Variants in RABGAP1 observed in about 807,000 individuals in gnomAD.
RABGAP1 encodes rab GTPase-activating protein 1.
In RABGAP1, 23 loss-of-function variants were observed where a neutral mutation model predicts 137.6. The observed-to-expected ratio is 0.17, with a 90% confidence interval of 0.12 to 0.24. The LOEUF is 0.24. Ranked by LOEUF, RABGAP1 falls within the 10% of genes least tolerant of loss-of-function variation. RABGAP1 has a pLI of 1.00. For synonymous variants in RABGAP1, 451 were observed against 450.7 expected (o/e 1.00, Z -0.01); for missense variants, 906 against 1,275.8 (o/e 0.71, Z 4.42).
chr9:122,980,282 A>T (rs1198168589), intron 2 of RABGAP1, among the ~76,000 whole-genome samples: 1 of 152,088 alleles, frequency 6.6e-6, no homozygotes, highest in Non-Finnish European at 1.5e-5. Flanking sequence ...CCACTCATTC[A>T]TTTTTGGCTC....
At chr9:123,001,148 CTATTTTTT>C (rs1837306511) in intron 10 of RABGAP1, among the ~76,000 whole-genome samples, 1 of 152,036 alleles carries the variant, frequency 6.6e-6, no homozygotes, top group Non-Finnish European at 1.5e-5. Context: ...GCGCCTGGCC[CTATTTTTT>C]TATTTTTTTA....
intron 2 of RABGAP1, among the ~76,000 whole-genome samples, chr9:122,969,058 A>G (rs1835329155): frequency 6.6e-6 from 1 of 152,266 alleles, no homozygotes; most frequent in Non-Finnish European, 1.5e-5. Flanking sequence ...GCATGACAGC[A>G]TTTCAGTCCA....
chr9:123,029,605 A>T, intron 13 of RABGAP1: 1 of 742,044 alleles, frequency 1.3e-6, no homozygotes, highest in Non-Finnish European at 2.5e-6. Context: ...TAGCTTTGTC[A>T]AACAAGACAA....
chr9:123,043,195 G>A (rs2033035803), intron 13 of RABGAP1, among the ~76,000 whole-genome samples: 1 of 152,090 alleles, frequency 6.6e-6, no homozygotes, highest in South Asian at 2.1e-4. Flanking sequence ...GAATGAGGGA[G>A]GAAATAAATA....
At chr9:122,982,124 G>GCC (rs1292561520) in intron 2 of RABGAP1, among the ~76,000 whole-genome samples, 1 of 151,922 alleles carries the variant, frequency 6.6e-6, no homozygotes, top group Non-Finnish European at 1.5e-5. Flanking sequence ...GTTCACAAAT[G>GCC]ATCTAACATG....
the RABGAP1 span, among the ~76,000 whole-genome samples, chr9:122,935,379 C>G: frequency 6.6e-6 from 1 of 152,052 alleles, no homozygotes; most frequent in African/African-American, 2.4e-5. Flanking sequence ...GCTCTGTCAC[C>G]CAGGCTGGAG....
chr9:123,084,739 G>A (rs1451676995), intron 19 of RABGAP1, among the ~76,000 whole-genome samples: 1 of 152,180 alleles, frequency 6.6e-6, no homozygotes, highest in Non-Finnish European at 1.5e-5. Flanking sequence ...ATACTTCACT[G>A]TGTGCTAGGA....
chr9:122,945,197 C>T (rs1303929260), intron 1 of RABGAP1: 2 of 125,746 alleles, frequency 1.6e-5, no homozygotes, highest in Non-Finnish European at 3.3e-5. Flanking sequence ...TCCCAACCAC[C>T]CTCACCCCTC....
chr9:123,042,568 G>A (rs2033003065), intron 13 of RABGAP1, among the ~76,000 whole-genome samples: 1 of 152,180 alleles, frequency 6.6e-6, no homozygotes. Context: ...AAGAACTCTT[G>A]CAATTTAAAG....
rs759566516 is a variant in RABGAP1, at chr9:123,101,673, GAA to G, written c.2999_3000del (p.Lys1000ArgfsTer27). 1 of 1,614,036 alleles carries G rather than the reference GAA, an allele frequency of 6.2e-7. No homozygotes were observed. The part of the protein sequence containing the change: ...EVLDEDTDEE[K>X]ETLKNQLREM... ...TTTTAGATGAGGACACGGATGAAGA[GAA>G]AGAGACGCTCAAGAACCAGCTGAGA... On this transcript the variant is annotated frameshift_variant, in exon 25 of 26. Coordinates refer to ENST00000373647, the MANE Select transcript of RABGAP1 (RefSeq NM_012197.4). LOFTEE classifies it high-confidence loss of function.
At position 122,984,695 on chromosome 9, in the gene RABGAP1, C is replaced by G. The variant is rs746381207; in HGVS notation, c.361C>G (p.Leu121Val). Residue 121 changes from leucine (L) to valine (V), a missense_variant, in exon 3 of 26, where the codon CTA becomes GTA. By Grantham distance (32) the Leu-to-Val change is conservative. Transcript: ENST00000373647. ...AGGGCTCCAAAAACCAGAGATGAGCCTACCAGTGAAACCTGGACAAGGAGG... is the reference window on the plus strand; with the variant it reads ...AGGGCTCCAAAAACCAGAGATGAGCGTACCAGTGAAACCTGGACAAGGAGG... ...LVGLQKPEMSLPVKPGQGDSE... is the reference protein window; with the variant it reads ...LVGLQKPEMSVPVKPGQGDSE... 6.2e-7 allele frequency: 1 copy of G among 1,614,050 alleles called. No homozygotes were observed. The highest frequency in any genetic ancestry group is 8.5e-7 in the Non-Finnish European group (1 of 1,179,924).
At chr9:123,010,641 ATTCC>A (rs2030728068) in intron 11 of RABGAP1, 113 bp downstream of exon 11, 17 of 1,050,282 alleles carry the variant, frequency 1.6e-5, no homozygotes, top group Non-Finnish European at 2.3e-5. Context: ...CATTTAATGA[ATTCC>A]TTATGAGAGT....
intron 2 of RABGAP1, among the ~76,000 whole-genome samples, chr9:122,963,438 C>T (rs1212718007): frequency 6.6e-6 from 1 of 151,852 alleles, no homozygotes; most frequent in Non-Finnish European, 1.5e-5. Context: ...ATTAATCCAA[C>T]CATAAGGGCA....
intron 13 of RABGAP1, chr9:123,029,606 A>G: frequency 1.3e-6 from 1 of 742,028 alleles, no homozygotes; most frequent in Non-Finnish European, 2.5e-6. Flanking sequence ...AGCTTTGTCA[A>G]ACAAGACAAG....
At chr9:122,974,598 C>T (rs1317013715) in intron 2 of RABGAP1, among the ~76,000 whole-genome samples, 1 of 151,512 alleles carries the variant, frequency 6.6e-6, no homozygotes, top group African/African-American at 2.4e-5. Context: ...TCTAGACCAG[C>T]CTAGGTAACA....
intron 13 of RABGAP1, among the ~76,000 whole-genome samples, chr9:123,048,040 A>T (rs2033296678): frequency 6.8e-6 from 1 of 146,866 alleles, no homozygotes; most frequent in African/African-American, 2.6e-5. Flanking sequence ...CCCAGGTTCA[A>T]GCGATTCTCC....
At chr9:122,959,854 C>T (rs1184574100) in intron 2 of RABGAP1, among the ~76,000 whole-genome samples, 1 of 152,208 alleles carries the variant, frequency 6.6e-6, no homozygotes, top group East Asian at 1.9e-4. Flanking sequence ...TGCCCAGCCC[C>T]TGCTCCTGGG....
intron 13 of RABGAP1, chr9:123,034,559 A>T (rs779169012): frequency 6.4e-7 from 1 of 1,574,650 alleles, no homozygotes; most frequent in Non-Finnish European, 8.7e-7. Context: ...ATCACTCCTG[A>T]GCTCAAGATG....
intron 3 of RABGAP1, 76 bp downstream of exon 3, chr9:122,984,795 T>G: frequency 7.5e-7 from 1 of 1,338,374 alleles, no homozygotes; most frequent in Non-Finnish European, 1.0e-6. Flanking sequence ...GTACTAGGTT[T>G]TATTTAGAAC....
Sources: allele counts gnomAD v4.1 joint callset (sites outside exome capture counted in the v4.1 genomes callset), GRCh38; gene constraint gnomAD v4.1.1; transcripts MANE v1.5; gene names NCBI Gene and HGNC (gene_info 2026-07-23, HGNC 2026-07-21).